Variants in LRP6 observed in about 807,000 individuals in gnomAD.
LRP6 encodes low-density lipoprotein receptor-related protein 6.
A neutral mutation model predicts 184.1 loss-of-function variants in LRP6; 43 were observed. The observed-to-expected ratio is 0.23, with a 90% CI of 0.18 to 0.30. The LOEUF (loss-of-function observed/expected upper bound fraction) is 0.30. LRP6 is among the 10% of genes least tolerant of loss of function. The pLI, the probability that LRP6 is intolerant of heterozygous loss-of-function variation, is 1.00. For missense variants in LRP6, 1,571 were observed against 2,005.3 expected (o/e 0.78, Z 4.14); for synonymous variants, 719 against 684.9 (o/e 1.05, Z -0.78).
Position 12,179,855 on chromosome 12 carries a change from A to C in LRP6, c.1500T>G (p.Asp500Glu), listed in dbSNP as rs761937120. The C allele has an allele frequency of 6.2e-7, 1 of 1,613,948 alleles. No individual in the cohort carries two copies. Among genetic ancestry groups the C allele is most frequent in the Non-Finnish European group, 8.5e-7 (1 of 1,179,858 alleles). ...GWPNGLALDY[D>E]EGKIYWGDAK... ...CATCTCCCCAGTATATTTTGCCTTC[A>C]TCATAATCCAAGGCTAAACCATTTG... The change falls in exon 7 of 23, where the codon GAT (aspartate) becomes GAG (glutamate). Residue 500 changes from aspartate (D) to glutamate (E), a missense_variant. Around this residue, in one of 4 missense-constraint regions of LRP6, gnomAD observed 640 missense variants for 851.9 expected, o/e 0.75. Transcript: ENST00000261349.
intron 1 of LRP6, among the ~76,000 whole-genome samples, chr12:12,263,304 G>C (rs1180410839): frequency 2.0e-5 from 3 of 151,492 alleles, no homozygotes; most frequent in African/African-American, 7.3e-5. Context: ...GGCCGGGCGT[G>C]GTGGCTCACG....
chr12:12,127,565 G>A (rs1949690141), intron 19 of LRP6, among the ~76,000 whole-genome samples: 1 of 152,052 alleles, frequency 6.6e-6, no homozygotes, highest in Non-Finnish European at 1.5e-5. Flanking sequence ...CTGATTACTG[G>A]AGGACTCACA....
chr12:12,254,162 A>AAAAAG (rs1565721161), intron 1 of LRP6, among the ~76,000 whole-genome samples: 9 of 134,956 alleles, frequency 6.7e-5, no homozygotes, highest in Non-Finnish European at 9.8e-5. Context: ...AAAAAAAAAA[A>AAAAAG]AAAGAAAGAA....
intron 7 of LRP6, among the ~76,000 whole-genome samples, chr12:12,170,692 C>A (rs1028397701): frequency 6.6e-6 from 1 of 151,344 alleles, no homozygotes; most frequent in African/African-American, 2.4e-5. Context: ...TACCTCAGAT[C>A]GATCAGGCTC....
At chr12:12,227,429 CAG>C (rs1304022549) in intron 2 of LRP6, among the ~76,000 whole-genome samples, 6 of 146,436 alleles carry the variant, frequency 4.1e-5, no homozygotes, top group South Asian at 4.3e-4. Flanking sequence ...TTTTTTGACA[CAG>C]AGTTTTACTC....
At chr12:12,140,374 CAAAG>C (rs757361613) in intron 15 of LRP6, among the ~76,000 whole-genome samples, 4 of 151,672 alleles carry the variant, frequency 2.6e-5, no homozygotes, top group South Asian at 2.1e-4. Flanking sequence ...AACAAAAACA[CAAAG>C]AGATGGATAA....
intron 2 of LRP6, among the ~76,000 whole-genome samples, chr12:12,230,904 C>A (rs1022144217): frequency 6.6e-6 from 1 of 151,942 alleles, no homozygotes; most frequent in African/African-American, 2.4e-5. Flanking sequence ...AGTACATGGC[C>A]AGGCGCAGTG....
chr12:12,146,762 G>T (rs1039460829), intron 15 of LRP6, among the ~76,000 whole-genome samples: 1 of 152,186 alleles, frequency 6.6e-6, no homozygotes, highest in Non-Finnish European at 1.5e-5. Flanking sequence ...CTTTCATGGA[G>T]AAAAACTGGC....
At chr12:12,171,531 T>A (rs942174070) in intron 7 of LRP6, among the ~76,000 whole-genome samples, 75 of 74,850 alleles carry the variant, frequency 1.0e-3, no homozygotes, top group African/African-American at 4.0e-3. Flanking sequence ...CAAAAAAAAA[T>A]AAAATAAATA....
At chr12:12,213,190 T>C (rs544157109) in intron 2 of LRP6, among the ~76,000 whole-genome samples, 8 of 152,296 alleles carry the variant, frequency 5.3e-5, no homozygotes, top group Admixed American at 1.3e-4. Context: ...TGGGAATTAA[T>C]GACATATGTT....
At chr12:12,256,151 G>A (rs1386152881) in intron 1 of LRP6, among the ~76,000 whole-genome samples, 3 of 152,186 alleles carry the variant, frequency 2.0e-5, no homozygotes, top group South Asian at 2.1e-4. Context: ...TCTTACTCTA[G>A]ATATGAATTT....
At position 12,266,697 on chromosome 12, in the gene LRP6, G is replaced by A. The variant is rs774133267; in HGVS notation, c.39C>T (p.Phe13=). The change falls in exon 1 of 23, where the codon TTC becomes TTT. Residue 13 remains phenylalanine, a synonymous_variant. Coordinates refer to ENST00000261349, the MANE Select transcript of LRP6 (RefSeq NM_002336.3). ...TCTTCCCACCTCTCAGGAGCACACA[G>A]AAGCTGCAGGCCAGGAGGCTCCTCA... ...AVLRSLLACS[F]CVLLRAAPLL... is the part of the protein sequence containing the mutation. 2 of 1,613,326 alleles carry A rather than the reference G, an allele frequency of 1.2e-6. No individual in the cohort carries two copies. The highest frequency in any genetic ancestry group is 2.2e-5 in the East Asian group (1 of 44,794).
At chr12:12,207,940 GGCATAAGAAATATTTTA>G (rs1864109992) in intron 2 of LRP6, among the ~76,000 whole-genome samples, 1 of 152,046 alleles carries the variant, frequency 6.6e-6, no homozygotes, top group African/African-American at 2.4e-5. Flanking sequence ...CAGAAAGCCA[GGCATAAGAAATATTTTA>G]AAAGGAAAAC....
intron 3 of LRP6, among the ~76,000 whole-genome samples, chr12:12,188,805 C>CTA (rs1863542005): frequency 6.6e-6 from 1 of 152,090 alleles, no homozygotes; most frequent in Non-Finnish European, 1.5e-5. Context: ...ACTAAAGAGA[C>CTA]TATATTATTT....
At chr12:12,232,600 A>AC (rs1864820872) in intron 2 of LRP6, among the ~76,000 whole-genome samples, 1 of 151,238 alleles carries the variant, frequency 6.6e-6, no homozygotes, top group South Asian at 2.1e-4. Context: ...AAAAAAAAAA[A>AC]ACAGAAGTAG....
intron 2 of LRP6, among the ~76,000 whole-genome samples, chr12:12,213,769 C>T (rs776422710): frequency 3.9e-5 from 6 of 151,922 alleles, no homozygotes; most frequent in Non-Finnish European, 8.8e-5. Context: ...TATCACGTTA[C>T]AAATTGTAAC....
chr12:12,249,114 G>C, intron 1 of LRP6: 1 of 704,586 alleles, frequency 1.4e-6, no homozygotes, highest in Non-Finnish European at 2.6e-6. Flanking sequence ...TGATAAAGAC[G>C]TGACACTTAC....
chr12:12,266,868 A>G lies in LRP6; in HGVS notation c.-133T>C. 1.2e-6 allele frequency: 1 copy of G among 804,182 alleles called. No individual in the cohort carries two copies. The highest frequency in any genetic ancestry group is 2.9e-4 in the Middle Eastern group (1 of 3,406). 49.8% of individuals were successfully genotyped at this position (804,182 alleles called of 1,614,324 possible). A position where few individuals can be genotyped will look rare whatever the true frequency, so the allele number is the denominator to read the frequency against. On this transcript the variant is annotated 5_prime_UTR_variant, in exon 1 of 23. Transcript: ENST00000261349. ...CCAGCTTCCCAGCGAGAGAAGAAAGAAAGGGGCACGTCAAGGTTCCGCGCG... is the reference window on the plus strand; with the variant it reads ...CCAGCTTCCCAGCGAGAGAAGAAAGGAAGGGGCACGTCAAGGTTCCGCGCG...
At chr12:12,209,070 T>C (rs1016737479) in intron 2 of LRP6, among the ~76,000 whole-genome samples, 1 of 152,226 alleles carries the variant, frequency 6.6e-6, no homozygotes, top group Admixed American at 6.5e-5. Context: ...TACTAATCTA[T>C]ACTCTGCGCC....
Sources: gnomAD v4.1 joint callset for allele counts (sites outside exome capture counted in the v4.1 genomes callset) on GRCh38, gnomAD v4.1.1 for gene constraint, gnomAD v4.1.1 regional missense constraint, MANE v1.5 for transcripts, NCBI Gene and HGNC (gene_info 2026-07-23, HGNC 2026-07-21) for gene names.